Variants in KDELR1 observed in about 807,000 individuals in gnomAD.
The protein encoded by KDELR1 is KDEL endoplasmic reticulum protein retention receptor 1.
In KDELR1, 16 loss-of-function variants were observed where a neutral mutation model predicts 25.5. The observed-to-expected ratio is 0.63, with a 90% CI of 0.43 to 0.95. The LOEUF (loss-of-function observed/expected upper bound fraction) is 0.95. Among genes scored for constraint, KDELR1 ranks in the 40% least tolerant of loss-of-function variants. The pLI is 0.00. For missense variants in KDELR1, 159 were observed against 265.2 expected (o/e 0.60, Z 2.78); for synonymous variants, 121 against 115.0 (o/e 1.05, Z -0.33).
At chr19:48,383,371 T>G in intron 4 of KDELR1, 44 bp from the exon 5 acceptor site, 1 of 1,538,662 alleles carries the variant, frequency 6.5e-7, no homozygotes, top group Non-Finnish European at 8.8e-7. Context: ...CTGGGGCCCC[T>G]GCAGGGAGGG....
At chr19:48,391,905 C>T (rs1600960775), upstream of KDELR1, among the ~76,000 whole-genome samples, 1 of 152,142 alleles carries the variant, frequency 6.6e-6, no homozygotes, top group South Asian at 2.1e-4. Flanking sequence ...TCCAATCCCC[C>T]AGAAGACAAG....
At position 48,384,180 on chromosome 19, in the gene KDELR1, G is replaced by C. The variant is rs752266492; in HGVS notation, c.604+50C>G. ...AGACCCCAGTCCCCAGGGAGGGCAG[G>C]AGCTGCAGAAATAGGAGGTTCCCTT... On this transcript the variant is annotated intron_variant, in intron 4 of 4. Transcript: ENST00000330720. This position sits in a 1 kb window ranked among gnomAD's most constrained non-coding sequence, Gnocchi z 4.6. The C allele has an allele frequency of 6.2e-7, 1 of 1,605,354 alleles. No individual in the cohort carries two copies. Among genetic ancestry groups the C allele is most frequent in the South Asian group, 1.1e-5 (1 of 90,302 alleles).
intron 3 of KDELR1, among the ~76,000 whole-genome samples, chr19:48,386,092 G>C (rs1438882795): frequency 6.6e-6 from 1 of 151,560 alleles, no homozygotes; most frequent in Non-Finnish European, 1.5e-5. Flanking sequence ...CGTTTAAAGA[G>C]AGACAGAAGG....
At chr19:48,396,437 G>A (rs1970641263), upstream of KDELR1, among the ~76,000 whole-genome samples, 1 of 152,070 alleles carries the variant, frequency 6.6e-6, no homozygotes. Context: ...CCAGGTAGGG[G>A]TGGGTCTGGG....
intron 3 of KDELR1, among the ~76,000 whole-genome samples, chr19:48,385,031 T>C (rs1383850174): frequency 1.3e-5 from 2 of 151,886 alleles, no homozygotes; most frequent in Non-Finnish European, 2.9e-5. Context: ...GGATTACAGG[T>C]GCCCACCACC....
At chr19:48,386,126 T>C (rs1243714043) in intron 3 of KDELR1, among the ~76,000 whole-genome samples, 6 of 151,904 alleles carry the variant, frequency 3.9e-5, no homozygotes, top group South Asian at 4.2e-4. Context: ...TTTTTTTTTT[T>C]TCCTGAGGCC....
intron 4 of KDELR1, 152 bp from the exon 5 acceptor site, chr19:48,383,479 T>C (rs1970472221): frequency 1.4e-6 from 1 of 693,890 alleles, no homozygotes; most frequent in African/African-American, 1.8e-5. Context: ...CCTGGTTTCT[T>C]TCCTTCCTAC....
chr19:48,388,729 A>G (rs1970515205), intron 3 of KDELR1, among the ~76,000 whole-genome samples: 1 of 150,126 alleles, frequency 6.7e-6, no homozygotes, highest in Non-Finnish European at 1.5e-5. Context: ...GAAGAAAAGG[A>G]AGAAAGGAAG....
At chr19:48,395,454 T>G (rs574108360), upstream of KDELR1, among the ~76,000 whole-genome samples, 2 of 152,008 alleles carry the variant, frequency 1.3e-5, no homozygotes, top group East Asian at 1.9e-4. Context: ...CCTTCCAGCC[T>G]CTTCCAAGCA....
At chr19:48,391,176 C>T in intron 1 of KDELR1, 92 bp downstream of exon 1, 1 of 1,095,058 alleles carries the variant, frequency 9.1e-7, no homozygotes, top group South Asian at 1.3e-5. Flanking sequence ...AACCTGTGCC[C>T]CTAGTGCCCC....
At chr19:48,385,638 C>G (rs1429361556) in intron 3 of KDELR1, among the ~76,000 whole-genome samples, 1 of 152,194 alleles carries the variant, frequency 6.6e-6, no homozygotes, top group East Asian at 1.9e-4. Context: ...AAAGTGCCAC[C>G]TGGGGTGATC....
rs769127830 is a variant in KDELR1 at position 48,384,318 on chromosome 19, G to A, written c.516C>T (p.Phe172=). ...YLFNWIWRYH[F]EGFFDLIAIV... ...TGGCGATGAGGTCGAAGAAGCCCTC[G>A]AAATGGTAGCGCCAGATCCAGTTGA... Residue 172 remains phenylalanine (F), a synonymous_variant, in exon 4 of 5, where the codon TTC becomes TTT. Transcript: ENST00000330720. The surrounding 1 kb of genome is among the most constrained non-coding windows in gnomAD (Gnocchi z 4.6). The A allele has an allele frequency of 3.5e-5, 56 of 1,614,098 alleles. No homozygotes were observed. The highest frequency in any genetic ancestry group is 1.1e-4 in the East Asian group (5 of 44,898).
intron 2 of KDELR1, 46 bp from the exon 3 acceptor site, chr19:48,389,757 G>A (rs1479278809): frequency 6.2e-7 from 1 of 1,604,422 alleles, no homozygotes; most frequent in African/African-American, 1.3e-5. Flanking sequence ...ACAGGCCTGT[G>A]CCCCAGTAGG....
rs1037484660 is a variant in KDELR1, at chr19:48,391,519, G to C, written c.-161C>G. ...GGGGACTTTGGGAGGGGGAGCAAAG[G>C]CTGGAGCTGGCGGCGGAGCTGGAGC... On this transcript the variant is annotated 5_prime_UTR_variant, in exon 1 of 5. Coordinates refer to ENST00000330720, the MANE Select transcript of KDELR1 (RefSeq NM_006801.3). The C allele has an allele frequency of 2.0e-5, 12 of 609,904 alleles. No individual in the cohort carries two copies. The highest frequency in any genetic ancestry group is 4.4e-4 in the Middle Eastern group (1 of 2,296). 37.8% of individuals were successfully genotyped at this position (609,904 alleles called of 1,614,324 possible).
upstream of KDELR1, among the ~76,000 whole-genome samples, chr19:48,394,029 C>T (rs139438955): frequency 8.1e-3 from 1,237 of 152,282 alleles, 8 homozygotes; most frequent in Non-Finnish European, 0.013. This position sits in a 1 kb window ranked among gnomAD's most constrained non-coding sequence, Gnocchi z 5.1. Flanking sequence ...CCCCGGCCCC[C>T]CCAAACCCAG....
Position 48,384,521 on chromosome 19 carries a change from C to T in KDELR1, c.352-39G>A, listed in dbSNP as rs1487366862. ...GGGGACATGATGAGGTGGGAGGGGA[C>T]AGGGCGGGAGAAAAGGCAGAGGACA... On this transcript the variant is annotated intron_variant, in intron 3 of 4. Transcript: ENST00000330720. The surrounding 1 kb of genome is among the most constrained non-coding windows in gnomAD (Gnocchi z 4.6). 6.3e-7 allele frequency: 1 copy of T among 1,595,390 alleles called. No individual in the cohort carries two copies. Among genetic ancestry groups the T allele is most frequent in the Non-Finnish European group, 8.6e-7 (1 of 1,169,530 alleles).
upstream of KDELR1, among the ~76,000 whole-genome samples, chr19:48,395,405 G>A (rs1970627056): frequency 6.6e-6 from 1 of 151,662 alleles, no homozygotes; most frequent in Non-Finnish European, 1.5e-5. Flanking sequence ...AGCACCCCTC[G>A]CCCCAAGCTC....
intron 1 of KDELR1, chr19:48,390,913 A>T: frequency 2.3e-6 from 1 of 443,462 alleles, no homozygotes; most frequent in South Asian, 2.2e-5. Flanking sequence ...GGATCCGGTC[A>T]CCTCCCTCCC....
rs77017109 is a variant in KDELR1, at chr19:48,390,567, G to A, written c.92-43C>T. 8.2e-6 allele frequency: 10 copies of A among 1,224,116 alleles called. 1 individual carries two copies. The Admixed American group carries it at 1.5e-4, about 18-fold the overall frequency. The allele number at this position is 1,224,116 out of a possible 1,614,324, so 75.8% of individuals were successfully genotyped here. The stretch of plus-strand genomic sequence containing the variant: ...AGAAAGAGAGAGAGAGAGAGACAGA[G>A]AGAGAGAGAGAGACAGACAGACAGA... On this transcript the variant is annotated intron_variant, in intron 1 of 4. Transcript: ENST00000330720.
Sources: allele counts gnomAD v4.1 joint callset (sites outside exome capture counted in the v4.1 genomes callset), GRCh38; gene constraint gnomAD v4.1.1; non-coding constraint Gnocchi (gnomAD v3.1); transcripts MANE v1.5; gene names NCBI Gene and HGNC (gene_info 2026-07-23, HGNC 2026-07-21).